The following CAMK1D variants were observed in gnomAD, a reference collection of about 807,000 sequenced individuals.
CAMK1D encodes calcium/calmodulin dependent protein kinase ID, also known as calcium/calmodulin-dependent protein kinase type 1D.
CAMK1D carries 9 observed loss-of-function variants against 47.7 expected under a neutral mutation model. The ratio of observed to expected loss-of-function variants is 0.19; its 90% CI spans 0.11 to 0.33. CAMK1D has a LOEUF of 0.33. CAMK1D is among the 10% of genes least tolerant of loss of function. The probability of loss-of-function intolerance (pLI) is 1.00; values close to 1 mark genes in which losing one functional copy is unlikely to be tolerated. For synonymous variants in CAMK1D, 184 were observed against 184.9 expected (o/e 0.99, Z 0.04); for missense variants, 291 against 488.7 (o/e 0.60, Z 3.81).
intron 1 of CAMK1D, among the ~76,000 whole-genome samples, chr10:12,408,294 T>G (rs1030741671): frequency 3.3e-5 from 5 of 152,088 alleles, no homozygotes; most frequent in African/African-American, 1.2e-4. Flanking sequence ...CCCGAGTAGT[T>G]GGGACTACAG....
intron 10 of CAMK1D, 81 bp from the exon 11 acceptor site, chr10:12,828,687 GC>G: frequency 1.0e-6 from 1 of 979,192 alleles, no homozygotes. Context: ...CATAAACCCA[GC>G]CCCTCTGACA....
intron 1 of CAMK1D, among the ~76,000 whole-genome samples, chr10:12,480,649 G>C (rs1422702101): frequency 6.6e-6 from 1 of 152,136 alleles, no homozygotes; most frequent in Non-Finnish European, 1.5e-5. Flanking sequence ...TACAGAGGAG[G>C]AAAGGGAGGA....
chr10:12,666,292 T>C (rs568016143), intron 2 of CAMK1D, among the ~76,000 whole-genome samples: 1 of 152,216 alleles, frequency 6.6e-6, no homozygotes, highest in South Asian at 2.1e-4. Flanking sequence ...CTCCAGTGTC[T>C]CACCAGGTCT....
chr10:12,490,015 C>A (rs1834333525), intron 1 of CAMK1D, among the ~76,000 whole-genome samples: 1 of 152,188 alleles, frequency 6.6e-6, no homozygotes. Flanking sequence ...ACTCACGGGT[C>A]TGGGCTCTGG....
At chr10:12,648,497 G>C (rs1839872989) in intron 2 of CAMK1D, among the ~76,000 whole-genome samples, 1 of 152,128 alleles carries the variant, frequency 6.6e-6, no homozygotes, top group Non-Finnish European at 1.5e-5. Context: ...TTGAGATGGA[G>C]TTTCGCTCTT....
intron 6 of CAMK1D, among the ~76,000 whole-genome samples, chr10:12,808,284 G>A (rs978914437): frequency 6.6e-6 from 1 of 152,170 alleles, no homozygotes; most frequent in African/African-American, 2.4e-5. Flanking sequence ...ATCTCTTTAT[G>A]TGCCTCTCTC....
At chr10:12,360,097 G>A (rs1358810514) in intron 1 of CAMK1D, among the ~76,000 whole-genome samples, 2 of 152,150 alleles carry the variant, frequency 1.3e-5, no homozygotes, top group East Asian at 1.9e-4. Context: ...CACAGGCTGA[G>A]CAGAGGAAGA....
At chr10:12,585,066 G>C (rs1837775745) in intron 2 of CAMK1D, among the ~76,000 whole-genome samples, 1 of 152,182 alleles carries the variant, frequency 6.6e-6, no homozygotes, top group Non-Finnish European at 1.5e-5. Flanking sequence ...CATTAGGCTG[G>C]GAGCTAATGT....
At chr10:12,409,339 C>G (rs920684636) in intron 1 of CAMK1D, among the ~76,000 whole-genome samples, 2 of 152,036 alleles carry the variant, frequency 1.3e-5, no homozygotes, top group African/African-American at 2.4e-5. Flanking sequence ...AAAATGACTA[C>G]AGATGAATAA....
chr10:12,698,075 C>A (rs1342616075), intron 3 of CAMK1D, among the ~76,000 whole-genome samples: 1 of 152,194 alleles, frequency 6.6e-6, no homozygotes, highest in Non-Finnish European at 1.5e-5. Flanking sequence ...GCCAAGTTTT[C>A]TAAAAGTAGT....
chr10:12,550,681 C>T (rs571929497), intron 1 of CAMK1D, among the ~76,000 whole-genome samples: 2 of 152,256 alleles, frequency 1.3e-5, no homozygotes, highest in African/African-American at 4.8e-5. Flanking sequence ...TGGCTTCTGG[C>T]TTGTAGTGTT....
chr10:12,738,920 A>T (rs1835298811), intron 3 of CAMK1D, among the ~76,000 whole-genome samples: 1 of 152,112 alleles, frequency 6.6e-6, no homozygotes, highest in African/African-American at 2.4e-5. Context: ...GTATGTGTGA[A>T]TGTTGGGAAA....
chr10:12,601,390 C>T (rs1359501134), intron 2 of CAMK1D, among the ~76,000 whole-genome samples: 1 of 152,172 alleles, frequency 6.6e-6, no homozygotes, highest in Non-Finnish European at 1.5e-5. Flanking sequence ...GTTCCTGTGA[C>T]CTGGCACGTG....
At chr10:12,428,961 C>T (rs1018791152) in intron 1 of CAMK1D, among the ~76,000 whole-genome samples, 1 of 152,238 alleles carries the variant, frequency 6.6e-6, no homozygotes, top group Non-Finnish European at 1.5e-5. Flanking sequence ...TCTTGGACCT[C>T]CAGCCTCCAA....
chr10:12,803,675 T>C (rs1297889507), intron 6 of CAMK1D, among the ~76,000 whole-genome samples: 1 of 151,936 alleles, frequency 6.6e-6, no homozygotes, highest in African/African-American at 2.4e-5. Context: ...ATAATAATAA[T>C]AACTATGTGT....
chr10:12,353,176 C>G (rs985394877), intron 1 of CAMK1D, among the ~76,000 whole-genome samples: 1 of 152,136 alleles, frequency 6.6e-6, no homozygotes, highest in Non-Finnish European at 1.5e-5. Context: ...CTGGGCCCTT[C>G]TCTTGTTTTG....
intron 3 of CAMK1D, among the ~76,000 whole-genome samples, chr10:12,684,973 A>G (rs932049287): frequency 1.3e-5 from 2 of 152,206 alleles, no homozygotes; most frequent in African/African-American, 4.8e-5. Context: ...ATGTTTTTCA[A>G]AGGTTCCTAG....
chr10:12,629,652 C>T (rs1839320871), intron 2 of CAMK1D, among the ~76,000 whole-genome samples: 1 of 152,206 alleles, frequency 6.6e-6, no homozygotes, highest in Non-Finnish European at 1.5e-5. Flanking sequence ...TACATTATCT[C>T]CCAGAAGTGT....
intron 1 of CAMK1D, among the ~76,000 whole-genome samples, chr10:12,547,046 G>A (rs1427880712): frequency 6.6e-6 from 1 of 152,182 alleles, no homozygotes; most frequent in Non-Finnish European, 1.5e-5. Context: ...AGATTTCCAT[G>A]TAGAGGATAC....
Sources: gnomAD v4.1 joint callset for allele counts (sites outside exome capture counted in the v4.1 genomes callset) on GRCh38, gnomAD v4.1.1 for gene constraint, MANE v1.5 for transcripts, NCBI Gene and HGNC (gene_info 2026-07-23, HGNC 2026-07-21) for gene names.